Variants in AIG1 observed in about 807,000 individuals in gnomAD.
The protein encoded by AIG1 is androgen-induced gene 1 protein.
AIG1 carries 23 observed loss-of-function variants against 31.4 expected under a neutral mutation model. The ratio of observed to expected loss-of-function variants is 0.73; its 90% confidence interval spans 0.53 to 1.04. The LOEUF is 1.04. AIG1 is among the 50% of genes least tolerant of loss of function. The pLI is 0.00. For synonymous variants in AIG1, 100 were observed against 110.5 expected, an observed-to-expected ratio of 0.90 and a Z score of 0.60; for missense variants, 274 against 295.0, an observed-to-expected ratio of 0.93 and a Z score of 0.52.
intron 3 of AIG1, among the ~76,000 whole-genome samples, chr6:143,178,003 A>T (rs1205731596): frequency 6.6e-6 from 1 of 152,204 alleles, no homozygotes; most frequent in African/African-American, 2.4e-5. Context: ...GCGGATCCAC[A>T]GTCCTATGGG....
At position 143,333,213 on chromosome 6, in the gene AIG1, A is replaced by T; in HGVS notation, c.516-69A>T. The T allele has an allele frequency of 6.9e-7, 1 of 1,449,586 alleles. No homozygotes were observed. The highest frequency in any genetic ancestry group is 2.5e-5 in the East Asian group (1 of 39,816). The allele number at this position is 1,449,586 out of a possible 1,614,324, so 89.8% of individuals were successfully genotyped here. A position where few individuals can be genotyped will look rare whatever the true frequency, so the allele number is the denominator to read the frequency against. On this transcript the variant is annotated intron_variant, in intron 4 of 5. Coordinates refer to ENST00000357847, the MANE Select transcript of AIG1 (RefSeq NM_016108.4). This position sits in a 1 kb window ranked among gnomAD's most constrained non-coding sequence, Gnocchi z 4.6. ...GGAGAGTGAGGGAGTGTATATTTGC[A>T]TCATAGCAGCTTTGATGCCTGCCAT...
intron 3 of AIG1, among the ~76,000 whole-genome samples, chr6:143,174,431 G>A (rs766663796): frequency 1.1e-4 from 15 of 142,754 alleles, no homozygotes; most frequent in Non-Finnish European, 1.9e-4. Flanking sequence ...AAGTTGCAGT[G>A]AGCAGAGACC....
chr6:143,238,600 A>G (rs1793991427), intron 3 of AIG1, among the ~76,000 whole-genome samples: 1 of 152,136 alleles, frequency 6.6e-6, no homozygotes, highest in South Asian at 2.1e-4. Context: ...AAAAAAAATT[A>G]TGTTTCATTT....
At chr6:143,260,599 A>G (rs973896825) in intron 3 of AIG1, among the ~76,000 whole-genome samples, 3 of 152,250 alleles carry the variant, frequency 2.0e-5, no homozygotes, top group Non-Finnish European at 4.4e-5. Context: ...TAAAATGATA[A>G]CACAAACATT....
In AIG1 at chr6:143,164,874, C is replaced by T. The variant is rs558850441; in HGVS notation, c.298-208C>T. The T allele has an allele frequency of 5.3e-4, 232 of 435,682 alleles. 1 individual carries two copies. The highest frequency in any genetic ancestry group is 2.8e-3 in the East Asian group (69 of 24,460). 27.0% of individuals were successfully genotyped at this position (435,682 alleles called of 1,614,324 possible). On this transcript the variant is annotated intron_variant, in intron 2 of 5. Coordinates refer to ENST00000357847, the MANE Select transcript of AIG1 (RefSeq NM_016108.4). Reference sequence around the variant, plus strand: ...TCCCTTTGCCTGAAAGAACACCATTCGGAGATCAGAGAGAGAGGAGGCACC... The same window carrying T: ...TCCCTTTGCCTGAAAGAACACCATTTGGAGATCAGAGAGAGAGGAGGCACC...
rs1420469049 is a variant in AIG1 at position 143,250,291 on chromosome 6, C to T, written c.400-33819C>T. ...TCTGTGGAATCTCCTGGAAGAATTA[C>T]ATGATTTTTACGTTTTAAATGTTTT... On this transcript the variant is annotated intron_variant, in intron 3 of 5. Transcript: ENST00000357847. 2.0e-5 allele frequency among the ~76,000 whole-genome samples: 3 copies of T among 152,208 alleles called. No homozygotes were observed. In the East Asian group the frequency reaches 5.8e-4, roughly 29 times the overall value.
rs1281088017 is a variant in AIG1 at position 143,330,762 on chromosome 6, G to A, written c.516-2520G>A. 6.6e-6 allele frequency among the ~76,000 whole-genome samples: 1 copy of A among 152,152 alleles called. No individual in the cohort carries two copies. The highest frequency in any genetic ancestry group is 6.5e-5 in the Admixed American group (1 of 15,286). The stretch of plus-strand genomic sequence containing the variant: ...TTGCAACATCAATTACAGCTTAATG[G>A]TGTTAAATTGGGGGAATATTGCATA... On this transcript the variant is annotated intron_variant, in intron 4 of 5. Coordinates refer to ENST00000357847, the MANE Select transcript of AIG1 (RefSeq NM_016108.4). The surrounding 1 kb of genome is among the most constrained non-coding windows in gnomAD (Gnocchi z 4.4).
rs893294751 is a variant in AIG1, at chr6:143,292,337, A to G, written c.515+8112A>G. On this transcript the variant is annotated intron_variant, in intron 4 of 5. Coordinates refer to ENST00000357847, the MANE Select transcript of AIG1 (RefSeq NM_016108.4). This position sits in a 1 kb window ranked among gnomAD's most constrained non-coding sequence, Gnocchi z 4.9. The stretch of plus-strand genomic sequence containing the variant: ...TTGCAGGTGGACCCAGTCTAATCCC[A>G]TGAATCCTTAAGAGTGGAGAGCCAT... Among the ~76,000 whole-genome samples, 1 of 152,222 alleles carries G rather than the reference A, an allele frequency of 6.6e-6. No individual in the cohort carries two copies. Among genetic ancestry groups the G allele is most frequent in the Non-Finnish European group, 1.5e-5 (1 of 68,026 alleles).
At chr6:143,120,065 G>A (rs1782110745) in intron 1 of AIG1, among the ~76,000 whole-genome samples, 1 of 152,136 alleles carries the variant, frequency 6.6e-6, no homozygotes, top group Non-Finnish European at 1.5e-5. Flanking sequence ...GAGTAGCTGG[G>A]ATTGCAGGCA....
chr6:143,106,782 G>C (rs963382094), intron 1 of AIG1, among the ~76,000 whole-genome samples: 2 of 152,156 alleles, frequency 1.3e-5, no homozygotes, highest in African/African-American at 4.8e-5. Context: ...ATCAGCAACA[G>C]ATTTATTTCT....
intron 3 of AIG1, among the ~76,000 whole-genome samples, chr6:143,181,353 G>T (rs1788701530): frequency 6.6e-6 from 1 of 152,170 alleles, no homozygotes; most frequent in African/African-American, 2.4e-5. Context: ...GGAACAAGGA[G>T]AGTTACATCA....
chr6:143,324,934 A>G (rs1332412298), intron 4 of AIG1, among the ~76,000 whole-genome samples: 1 of 152,208 alleles, frequency 6.6e-6, no homozygotes, highest in Non-Finnish European at 1.5e-5. Flanking sequence ...ACAGAATAGG[A>G]TGAAATTTGG....
Position 143,280,901 on chromosome 6 carries a change from T to G in AIG1, c.400-3209T>G, listed in dbSNP as rs988627609. 2.0e-5 allele frequency among the ~76,000 whole-genome samples: 3 copies of G among 152,234 alleles called. No individual in the cohort carries two copies. The highest frequency in any genetic ancestry group is 7.2e-5 in the African/African-American group (3 of 41,452). On this transcript the variant is annotated intron_variant, in intron 3 of 5. Transcript: ENST00000357847. The surrounding 1 kb of genome is among the most constrained non-coding windows in gnomAD (Gnocchi z 4.1). The stretch of plus-strand genomic sequence containing the variant: ...AAGTTAAAAAAAAGTTCTGACTTTA[T>G]GCTAGCTAATGTTATTGTTTATTAT...
intron 3 of AIG1, chr6:143,190,001 C>A: frequency 2.2e-6 from 1 of 463,820 alleles, no homozygotes; most frequent in Non-Finnish European, 2.8e-6. Flanking sequence ...GCTGTGTCCT[C>A]ACATGGTGGA....
At chr6:143,306,756 A>G (rs1294126648) in intron 4 of AIG1, among the ~76,000 whole-genome samples, 1 of 152,150 alleles carries the variant, frequency 6.6e-6, no homozygotes, top group Non-Finnish European at 1.5e-5. Context: ...CTGCCTTGCT[A>G]GATTGGGGAA....
intron 4 of AIG1, among the ~76,000 whole-genome samples, chr6:143,305,205 GTT>G (rs1799172658): frequency 6.6e-6 from 1 of 152,066 alleles, no homozygotes; most frequent in South Asian, 2.1e-4. Flanking sequence ...TTTTTGAAGG[GTT>G]TTTTGTGTCT....
downstream of AIG1, chr6:143,342,630 TC>T: frequency 8.9e-7 from 1 of 1,123,150 alleles, no homozygotes; most frequent in Non-Finnish European, 1.4e-6. Flanking sequence ...AATCCAGGGG[TC>T]CAGAGTTATT....
At chr6:143,135,425 TTTAAG>T (rs1273706395) in intron 1 of AIG1, among the ~76,000 whole-genome samples, 1 of 152,132 alleles carries the variant, frequency 6.6e-6, no homozygotes, top group East Asian at 1.9e-4. Flanking sequence ...CCCTGAGTCA[TTTAAG>T]TTATTTCTAG....
At chr6:143,096,517 C>T (rs889312342) in intron 1 of AIG1, among the ~76,000 whole-genome samples, 63 of 152,190 alleles carry the variant, frequency 4.1e-4, no homozygotes, top group Non-Finnish European at 8.8e-5. Context: ...TTAAAGACCT[C>T]ACCCAGTCAG....
Sources: allele counts gnomAD v4.1 joint callset (sites outside exome capture counted in the v4.1 genomes callset), GRCh38; gene constraint gnomAD v4.1.1; non-coding constraint Gnocchi (gnomAD v3.1); transcripts MANE v1.5; gene names NCBI Gene and HGNC (gene_info 2026-07-23, HGNC 2026-07-21).